The following ITPR3 variants were observed in gnomAD, a reference collection of about 807,000 sequenced individuals.
The protein encoded by ITPR3 is inositol 1,4,5-trisphosphate-gated calcium channel ITPR3.
ITPR3 carries 173 observed loss-of-function variants against 293.2 expected under a neutral mutation model. The observed-to-expected ratio is 0.59, with a 90% CI of 0.52 to 0.67. ITPR3 has a LOEUF of 0.67. Among genes scored for constraint, ITPR3 ranks in the 30% least tolerant of loss-of-function variants. The pLI, the probability that ITPR3 is intolerant of heterozygous loss-of-function variation, is 0.00. For missense variants in ITPR3, 2,796 were observed against 3,592.1 expected, an observed-to-expected ratio of 0.78 and a Z score of 5.66; for synonymous variants, 1,295 against 1,444.4, an observed-to-expected ratio of 0.90 and a Z score of 2.35.
Position 33,694,811 on chromosome 6 carries a change from G to C in ITPR3, c.7786-113G>C. 6 of 1,321,718 alleles carry C rather than the reference G, an allele frequency of 4.5e-6. No homozygotes were observed. In the South Asian group the frequency reaches 7.3e-5, roughly 16 times the overall value. The allele number at this position is 1,321,718 out of a possible 1,614,324, so 81.9% of individuals were successfully genotyped here. ...GATTTTCCCATGACACATCCCTGAC[G>C]AGTAGTTTTGTTAAGGGTGTGGCAG... is the stretch of plus-strand genomic sequence containing the variant. On this transcript the variant is annotated intron_variant, in intron 56 of 57. Coordinates refer to ENST00000605930, the MANE Select transcript of ITPR3 (RefSeq NM_002224.4).
Position 33,676,991 on chromosome 6 carries a change from T to C in ITPR3, c.3448-24T>C, listed in dbSNP as rs2068236. The stretch of plus-strand genomic sequence containing the variant: ...CCCTGTGAGGGCTGGGCCTGGCTGA[T>C]CTCCTTCCTCTCTCTGCTTTCAGCG... On this transcript the variant is annotated intron_variant, in intron 26 of 57. Transcript: ENST00000605930. 1,583,192 of 1,613,834 alleles carry C rather than the reference T, an allele frequency of 0.98. 777,907 individuals are homozygous for C. Among genetic ancestry groups the C allele is most frequent in the East Asian group, 1 (44,786 of 44,854 alleles).
Position 33,684,726 on chromosome 6 carries a change from C to T in ITPR3, c.5137+38C>T. On this transcript the variant is annotated intron_variant, in intron 38 of 57. Coordinates refer to ENST00000605930, the MANE Select transcript of ITPR3 (RefSeq NM_002224.4). This position sits in a 1 kb window ranked among gnomAD's most constrained non-coding sequence, Gnocchi z 4.2. ...TTCCCCTGCCCCCGGGCCCTCCCTT[C>T]CACTCTCCTGTCACACCAGCTCTCC... The T allele has an allele frequency of 6.2e-7, 1 of 1,611,542 alleles. No homozygotes were observed. The highest frequency in any genetic ancestry group is 8.5e-7 in the Non-Finnish European group (1 of 1,178,418).
At chr6:33,694,559 G>A in intron 56 of ITPR3, 1 of 264,936 alleles carries the variant, frequency 3.8e-6, no homozygotes, top group South Asian at 3.7e-5. Context: ...AGGCAGGCGG[G>A]CGGGAGGAAG....
chr6:33,635,972 C>G (rs1582103809), intron 1 of ITPR3, among the ~76,000 whole-genome samples: 2 of 151,832 alleles, frequency 1.3e-5, no homozygotes, highest in East Asian at 3.9e-4. Context: ...GGAGTGCTGG[C>G]CTGATTTGAC....
rs1407222756 is a variant in ITPR3 at position 33,636,117 on chromosome 6, T to C, written c.90-4367T>C. On this transcript the variant is annotated intron_variant, in intron 1 of 57. Transcript: ENST00000605930. ...GCCTGGCCAACGTGGTGAAACGCTGTCTCTACAAAAAAAAAAAAAAAAAAA... is the reference window on the plus strand; with the variant it reads ...GCCTGGCCAACGTGGTGAAACGCTGCCTCTACAAAAAAAAAAAAAAAAAAA... 4.8e-5 allele frequency among the ~76,000 whole-genome samples: 5 copies of C among 103,448 alleles called. No homozygotes were observed. In the East Asian group the frequency reaches 1.3e-3, roughly 27 times the overall value. The allele number at this position is 103,448 out of a possible 152,430, so 67.9% of individuals were successfully genotyped here.
Position 33,667,087 on chromosome 6 carries a change from C to T in ITPR3, c.1552-42C>T, listed in dbSNP as rs1469101342. 1.9e-6 allele frequency: 3 copies of T among 1,600,524 alleles called. No individual in the cohort carries two copies. The highest frequency in any genetic ancestry group is 2.6e-6 in the Non-Finnish European group (3 of 1,171,472). On this transcript the variant is annotated intron_variant, in intron 14 of 57. Transcript: ENST00000605930. The surrounding 1 kb of genome is among the most constrained non-coding windows in gnomAD (Gnocchi z 4.4). ...TCCTGGGATGACTTAGGGGTACAGACAGGTGTTGGGGAATCAGTCCTCACC... is the reference window on the plus strand; with the variant it reads ...TCCTGGGATGACTTAGGGGTACAGATAGGTGTTGGGGAATCAGTCCTCACC...
intron 1 of ITPR3, among the ~76,000 whole-genome samples, chr6:33,623,659 C>T (rs1466927459): frequency 6.6e-6 from 1 of 152,082 alleles, no homozygotes; most frequent in Non-Finnish European, 1.5e-5. Context: ...CATCTTATTG[C>T]TTCTTCCCCT....
At chr6:33,657,692 T>G (rs1764343072) in intron 3 of ITPR3, among the ~76,000 whole-genome samples, 1 of 151,804 alleles carries the variant, frequency 6.6e-6, no homozygotes, top group South Asian at 2.1e-4. Flanking sequence ...GGTTAGGGAT[T>G]TGGCTCCCTG....
chr6:33,670,567 C>T lies in ITPR3; in HGVS notation c.2432C>T (p.Thr811Ile). The change falls in exon 19 of 58, where the codon ACC becomes ATC. Residue 811 changes from threonine (T) to isoleucine (I), a missense_variant. Physicochemically the swap from Thr to Ile is moderately conservative, Grantham distance 89. Coordinates refer to ENST00000605930, the MANE Select transcript of ITPR3 (RefSeq NM_002224.4). This position sits in a 1 kb window ranked among gnomAD's most constrained non-coding sequence, Gnocchi z 6.7. ...TGGACTGAGATCCCCACAGCCATCA[C>T]CATCAAGGAGTGAGAGGGGTGGAGG... ...RLWTEIPTAI[T>I]IKDYDSNLNA... 1 of 1,613,268 alleles carries T rather than the reference C, an allele frequency of 6.2e-7. No individual in the cohort carries two copies. Among genetic ancestry groups the T allele is most frequent in the South Asian group, 1.1e-5 (1 of 91,048 alleles).
At position 33,677,093 on chromosome 6, in the gene ITPR3, A is replaced by G; in HGVS notation, c.3522+4A>G. ...GAACTACCAGATCGTCAAGGGCGTG[A>G]GTGGCCAAGGGTCCTCGGGGTAGGG... On this transcript the variant is annotated splice_donor_region_variant and intron_variant, in intron 27 of 57. Transcript: ENST00000605930. The G allele has an allele frequency of 1.2e-6, 2 of 1,613,698 alleles. No individual in the cohort carries two copies. Among genetic ancestry groups the G allele is most frequent in the South Asian group, 2.2e-5 (2 of 91,066 alleles).
chr6:33,634,557 C>T (rs1248217566), intron 1 of ITPR3, among the ~76,000 whole-genome samples: 2 of 152,162 alleles, frequency 1.3e-5, no homozygotes, highest in Non-Finnish European at 2.9e-5. Flanking sequence ...CCTTCCCAGC[C>T]TTGTTTGAAT....
chr6:33,684,183 G>A lies in ITPR3; in HGVS notation c.4937+15G>A. On this transcript the variant is annotated intron_variant, in intron 36 of 57. Coordinates refer to ENST00000605930, the MANE Select transcript of ITPR3 (RefSeq NM_002224.4). This position sits in a 1 kb window ranked among gnomAD's most constrained non-coding sequence, Gnocchi z 4.2. The stretch of plus-strand genomic sequence containing the variant: ...TTCCTGTCCAAGTGAGCGAGACACT[G>A]GGGCATGGGGGCAGCAGGGGTGCAG... 1 of 1,608,628 alleles carries A rather than the reference G, an allele frequency of 6.2e-7. No homozygotes were observed. The highest frequency in any genetic ancestry group is 8.5e-7 in the Non-Finnish European group (1 of 1,179,184).
chr6:33,686,671 G>A (rs1026739402), intron 43 of ITPR3, 152 bp downstream of exon 43: 1 of 679,484 alleles, frequency 1.5e-6, no homozygotes, highest in Non-Finnish European at 2.7e-6. Flanking sequence ...AGTGTGTGGT[G>A]TGTGCAGGGT....
intron 7 of ITPR3, 68 bp downstream of exon 7, chr6:33,659,617 G>T: frequency 7.4e-7 from 1 of 1,356,354 alleles, no homozygotes; most frequent in Admixed American, 1.7e-5. Context: ...CCCTCTTCCT[G>T]CCTTCTCCAC....
chr6:33,663,794 G>C lies in ITPR3; in HGVS notation c.1062G>C (p.Leu354=). The C allele has an allele frequency of 6.2e-7, 1 of 1,614,170 alleles. No homozygotes were observed. The highest frequency in any genetic ancestry group is 1.3e-5 in the African/African-American group (1 of 75,064). ...CTGGGGAGAAGATCAAGTACTGCCT[G>C]GTGGCTGTGCCTCATGGCAATGACA... ...RNAGEKIKYC[L]VAVPHGNDIA... Residue 354 remains leucine, a synonymous_variant, in exon 11 of 58, where the codon CTG becomes CTC. Transcript: ENST00000605930.
chr6:33,674,174 T>G, intron 23 of ITPR3, 34 bp from the exon 24 acceptor site: 1 of 1,613,262 alleles, frequency 6.2e-7, no homozygotes. Context: ...GGGCTGGGCC[T>G]ACAATCTGCT....
chr6:33,643,544 G>A (rs1199715265), intron 2 of ITPR3, among the ~76,000 whole-genome samples: 3 of 152,250 alleles, frequency 2.0e-5, no homozygotes, highest in South Asian at 2.1e-4. Context: ...TGGCTGTAAC[G>A]TTTCGGGCTG....
At position 33,691,878 on chromosome 6, in the gene ITPR3, C is replaced by A; in HGVS notation, c.7408C>A (p.Leu2470Ile). The A allele has an allele frequency of 6.2e-7, 1 of 1,614,170 alleles. No homozygotes were observed. Among genetic ancestry groups the A allele is most frequent in the Non-Finnish European group, 8.5e-7 (1 of 1,180,032 alleles). The change falls in exon 54 of 58, where the codon CTA becomes ATA. Residue 2470 changes from leucine to isoleucine, a missense_variant. This residue lies in a region of ITPR3 where 568 missense variants were observed against 796.1 expected (regional missense o/e 0.71). Coordinates refer to ENST00000605930, the MANE Select transcript of ITPR3 (RefSeq NM_002224.4). The surrounding 1 kb of genome is among the most constrained non-coding windows in gnomAD (Gnocchi z 4.9). ...MCIVTVMNHG[L>I]RNGGGVGDIL... ...CATCGTCACTGTCATGAACCATGGG[C>A]TACGCAACGGTGGTGGCGTGGGCGA... is the stretch of plus-strand genomic sequence containing the variant.
At position 33,672,982 on chromosome 6, in the gene ITPR3, G is replaced by A. The variant is rs962379262; in HGVS notation, c.2929-609G>A. On this transcript the variant is annotated intron_variant, in intron 22 of 57. Coordinates refer to ENST00000605930, the MANE Select transcript of ITPR3 (RefSeq NM_002224.4). The surrounding 1 kb of genome is among the most constrained non-coding windows in gnomAD (Gnocchi z 5.0). ...CAGGAAGGGTAGTGCAGTGACCTCC[G>A]TGGGGGACCTCTGGCGGTCAGAGTG... Among the ~76,000 whole-genome samples the A allele has an allele frequency of 3.3e-5, 5 of 152,162 alleles. No individual in the cohort carries two copies. Among genetic ancestry groups the A allele is most frequent in the Non-Finnish European group, 7.4e-5 (5 of 68,018 alleles).
Sources: gnomAD v4.1 joint callset for allele counts (sites outside exome capture counted in the v4.1 genomes callset) on GRCh38, gnomAD v4.1.1 for gene constraint, gnomAD v4.1.1 regional missense constraint, Gnocchi (gnomAD v3.1) non-coding constraint, MANE v1.5 for transcripts, NCBI Gene and HGNC (gene_info 2026-07-23, HGNC 2026-07-21) for gene names.